Variants in TBC1D22A observed in about 807,000 individuals in gnomAD.
TBC1D22A encodes putative GTPase activator.
A neutral mutation model predicts 60.2 loss-of-function variants in TBC1D22A; 38 were observed. That is an observed-to-expected ratio of 0.63 (90% CI 0.49 to 0.83). The LOEUF is 0.83. Ranked by LOEUF, TBC1D22A falls within the 40% of genes least tolerant of loss-of-function variation. The pLI is 0.00. For missense variants in TBC1D22A, 628 were observed against 701.0 expected, an observed-to-expected ratio of 0.90 and a Z score of 1.18; for synonymous variants, 302 against 281.7, an observed-to-expected ratio of 1.07 and a Z score of -0.72.
At chr22:47,099,877 T>G (rs2065341223) in intron 11 of TBC1D22A, among the ~76,000 whole-genome samples, 1 of 152,150 alleles carries the variant, frequency 6.6e-6, no homozygotes, top group South Asian at 2.1e-4. Context: ...TTCTCGTCTA[T>G]AGAGAGAGGT....
At chr22:46,979,740 G>A (rs1342191869) in intron 9 of TBC1D22A, among the ~76,000 whole-genome samples, 1 of 152,216 alleles carries the variant, frequency 6.6e-6, no homozygotes, top group Non-Finnish European at 1.5e-5. Flanking sequence ...CTGCCAGCAT[G>A]CCCGCAATTT....
chr22:46,889,185 G>A (rs567926236), intron 5 of TBC1D22A, among the ~76,000 whole-genome samples: 1 of 152,112 alleles, frequency 6.6e-6, no homozygotes, highest in Non-Finnish European at 1.5e-5. Context: ...TACAGAGCTC[G>A]TCAAACTCAG....
chr22:46,937,810 G>A (rs968825351), intron 8 of TBC1D22A, among the ~76,000 whole-genome samples: 2 of 151,576 alleles, frequency 1.3e-5, no homozygotes, highest in African/African-American at 2.4e-5. Context: ...GCTAATGTGT[G>A]TGTTTGTATC....
At chr22:47,034,980 T>C (rs975825072) in intron 10 of TBC1D22A, among the ~76,000 whole-genome samples, 6 of 152,040 alleles carry the variant, frequency 3.9e-5, no homozygotes, top group Non-Finnish European at 8.8e-5. Context: ...TCCCAGCCAC[T>C]CGTCCACCCA....
chr22:46,957,759 T>C (rs1200439786), intron 8 of TBC1D22A, among the ~76,000 whole-genome samples: 1 of 152,244 alleles, frequency 6.6e-6, no homozygotes, highest in Admixed American at 6.5e-5. Context: ...GAGGTGAGGC[T>C]GTGCCTGGGC....
intron 10 of TBC1D22A, among the ~76,000 whole-genome samples, chr22:47,020,284 C>G (rs1160449301): frequency 6.6e-6 from 1 of 152,156 alleles, no homozygotes; most frequent in African/African-American, 2.4e-5. Flanking sequence ...GTGGGAGGCT[C>G]TGGGATCAGG....
chr22:46,888,863 A>G (rs2068251335), intron 5 of TBC1D22A, among the ~76,000 whole-genome samples: 1 of 152,088 alleles, frequency 6.6e-6, no homozygotes, highest in Admixed American at 6.5e-5. Context: ...GTGCCGCCAC[A>G]TCTGGCTAAT....
At chr22:46,880,359 CTT>C (rs1272020114) in intron 5 of TBC1D22A, among the ~76,000 whole-genome samples, 6 of 152,174 alleles carry the variant, frequency 3.9e-5, no homozygotes, top group African/African-American at 1.4e-4. Flanking sequence ...AGAGGAGTGA[CTT>C]TGAATAAAAT....
intron 11 of TBC1D22A, among the ~76,000 whole-genome samples, chr22:47,095,423 A>G (rs574578745): frequency 6.6e-6 from 1 of 152,396 alleles, no homozygotes; most frequent in East Asian, 1.9e-4. Flanking sequence ...CAGTTTCTCC[A>G]TTATAAAAAA....
chr22:46,782,580 A>C (rs2083986993), intron 1 of TBC1D22A, among the ~76,000 whole-genome samples: 1 of 152,154 alleles, frequency 6.6e-6, no homozygotes, highest in African/African-American at 2.4e-5. Flanking sequence ...TACTACAGTC[A>C]GTTTTAGAAA....
chr22:46,971,721 C>T (rs543771129), intron 8 of TBC1D22A, among the ~76,000 whole-genome samples: 21 of 152,320 alleles, frequency 1.4e-4, no homozygotes, highest in South Asian at 4.1e-4. Flanking sequence ...CTGATCAGCG[C>T]GTGGAGGCTT....
At chr22:47,130,033 T>C (rs1227252803) in intron 12 of TBC1D22A, among the ~76,000 whole-genome samples, 2 of 152,214 alleles carry the variant, frequency 1.3e-5, no homozygotes, top group Non-Finnish European at 2.9e-5. Context: ...CTGAGGCTCC[T>C]GGGGTGGTGT....
At chr22:46,894,902 G>A (rs1463387060) in intron 7 of TBC1D22A, 56 bp downstream of exon 7, 5 of 1,593,808 alleles carry the variant, frequency 3.1e-6, no homozygotes, top group South Asian at 1.1e-5. Context: ...GATGCCCACT[G>A]TGCTAACCAG....
chr22:47,069,785 T>C (rs189984592), intron 11 of TBC1D22A, among the ~76,000 whole-genome samples: 1 of 83,606 alleles, frequency 1.2e-5, no homozygotes, highest in African/African-American at 5.5e-5. Flanking sequence ...TATTGTTTGG[T>C]TGGAGCAGAG....
intron 11 of TBC1D22A, among the ~76,000 whole-genome samples, chr22:47,075,150 G>A (rs963198333): frequency 1.3e-5 from 2 of 151,526 alleles, no homozygotes; most frequent in African/African-American, 4.9e-5. Flanking sequence ...GTGAACCAGG[G>A]AGGCGGAGCT....
At chr22:47,064,988 T>C (rs368460616) in intron 11 of TBC1D22A, among the ~76,000 whole-genome samples, 8 of 147,700 alleles carry the variant, frequency 5.4e-5, no homozygotes, top group African/African-American at 2.1e-4. Flanking sequence ...TTTTATTTTA[T>C]TTATTTATTT....
rs1045859538 is a variant in TBC1D22A at position 47,154,323 on chromosome 22, C to T, written c.1426-19175C>T. Among the ~76,000 whole-genome samples, 3 of 152,196 alleles carry T rather than the reference C, an allele frequency of 2.0e-5. No homozygotes were observed. The East Asian group carries it at 5.8e-4, about 29-fold the overall frequency. On this transcript the variant is annotated intron_variant, in intron 12 of 12. Transcript: ENST00000337137. ...TGAGTGAGTCTGAGCCATGAGTGAC[C>T]TGCTCACCCTCTGAGCTCTGTGTCG... is the stretch of plus-strand genomic sequence containing the variant.
At chr22:47,018,508 G>C (rs1463577373) in intron 10 of TBC1D22A, among the ~76,000 whole-genome samples, 1 of 152,086 alleles carries the variant, frequency 6.6e-6, no homozygotes, top group Non-Finnish European at 1.5e-5. Context: ...CCTGCCTCTT[G>C]GAACCAGTCC....
intron 8 of TBC1D22A, among the ~76,000 whole-genome samples, chr22:46,971,148 G>T (rs2074038816): frequency 6.6e-6 from 1 of 152,240 alleles, no homozygotes; most frequent in Non-Finnish European, 1.5e-5. Context: ...ACCTTGAAGA[G>T]TAACAAATGG....
Sources: allele counts gnomAD v4.1 joint callset (sites outside exome capture counted in the v4.1 genomes callset), GRCh38; gene constraint gnomAD v4.1.1; transcripts MANE v1.5; gene names NCBI Gene and HGNC (gene_info 2026-07-23, HGNC 2026-07-21).